PTPRD: variants seen among roughly 807,000 people sequenced by gnomAD.
PTPRD encodes protein tyrosine phosphatase receptor type D, also known as receptor-type tyrosine-protein phosphatase delta.
PTPRD carries 34 observed loss-of-function variants against 214.5 expected under a neutral mutation model. The ratio of observed to expected loss-of-function variants is 0.16; its 90% CI spans 0.12 to 0.21. The LOEUF is 0.21. PTPRD is among the 10% of genes least tolerant of loss of function. PTPRD has a pLI of 1.00. For missense variants in PTPRD, 2,545 were observed against 2,398.7 expected, an observed-to-expected ratio of 1.06 and a Z score of -1.27; for synonymous variants, 1,128 against 845.7, an observed-to-expected ratio of 1.33 and a Z score of -5.79.
chr9:9,021,955 A>G (rs1007625477), intron 10 of PTPRD, among the ~76,000 whole-genome samples: 2 of 151,726 alleles, frequency 1.3e-5, no homozygotes, highest in South Asian at 2.1e-4. Context: ...GGGGAACATC[A>G]CACACTGGGA....
chr9:8,911,397 T>C (rs75062698), intron 11 of PTPRD, among the ~76,000 whole-genome samples: 14,049 of 139,282 alleles, frequency 0.1, 986 homozygotes, highest in East Asian at 0.23. Context: ...CATGTGTGTG[T>C]CTGTGTGTGT....
At chr9:9,910,896 A>T (rs2078997966) in intron 5 of PTPRD, among the ~76,000 whole-genome samples, 1 of 152,062 alleles carries the variant, frequency 6.6e-6, no homozygotes, top group Non-Finnish European at 1.5e-5. Flanking sequence ...AAAACCCAAC[A>T]ATCATTACAT....
intron 5 of PTPRD, among the ~76,000 whole-genome samples, chr9:9,881,920 G>T (rs997832389): frequency 2.0e-5 from 3 of 152,056 alleles, no homozygotes; most frequent in African/African-American, 7.2e-5. Flanking sequence ...AAAGACCATA[G>T]GGGCAGAGTC....
intron 9 of PTPRD, among the ~76,000 whole-genome samples, chr9:9,194,568 G>T (rs2099937143): frequency 6.6e-6 from 1 of 152,088 alleles, no homozygotes; most frequent in South Asian, 2.1e-4. Context: ...CATGTACTTG[G>T]TCTGTTGTTG....
At chr9:9,599,751 A>G (rs1232771542) in intron 7 of PTPRD, among the ~76,000 whole-genome samples, 1 of 152,018 alleles carries the variant, frequency 6.6e-6, no homozygotes, top group Non-Finnish European at 1.5e-5. Flanking sequence ...ACACTGGCAC[A>G]TCTCTATTAG....
chr9:10,509,858 A>C (rs377611412), intron 2 of PTPRD, among the ~76,000 whole-genome samples: 1 of 151,848 alleles, frequency 6.6e-6, no homozygotes, highest in East Asian at 1.9e-4. Context: ...ATACAGGTAT[A>C]TATTTATTCC....
chr9:9,834,470 A>C (rs550804155), intron 5 of PTPRD, among the ~76,000 whole-genome samples: 1 of 152,110 alleles, frequency 6.6e-6, no homozygotes, highest in South Asian at 2.1e-4. Context: ...TTTTGCCCCC[A>C]AATTTGCCTC....
intron 3 of PTPRD, among the ~76,000 whole-genome samples, chr9:10,056,844 T>G (rs57227648): frequency 6.6e-6 from 1 of 152,302 alleles, no homozygotes; most frequent in Admixed American, 6.5e-5. Flanking sequence ...GAGTATTATT[T>G]ATTGCACAGA....
chr9:8,951,320 CTTTTTTT>C (rs35028756), intron 11 of PTPRD, among the ~76,000 whole-genome samples: 1 of 128,402 alleles, frequency 7.8e-6, no homozygotes, highest in Non-Finnish European at 1.6e-5. Flanking sequence ...CTGGATCCTC[CTTTTTTT>C]TTTTTTTTTT....
chr9:9,067,898 A>T (rs2099737434), intron 10 of PTPRD, among the ~76,000 whole-genome samples: 1 of 152,138 alleles, frequency 6.6e-6, no homozygotes, highest in Non-Finnish European at 1.5e-5. Context: ...TTGTGTATTT[A>T]AACTAGAATG....
intron 8 of PTPRD, among the ~76,000 whole-genome samples, chr9:9,445,114 T>A (rs1211769345): frequency 6.6e-6 from 1 of 152,142 alleles, no homozygotes; most frequent in Non-Finnish European, 1.5e-5. Context: ...ATTTCACAAG[T>A]TTAGTTGATG....
intron 10 of PTPRD, among the ~76,000 whole-genome samples, chr9:9,109,599 G>A (rs1657398558): frequency 6.6e-6 from 1 of 152,082 alleles, no homozygotes; most frequent in Non-Finnish European, 1.5e-5. Context: ...ACTGCAGAGA[G>A]TAGGAGAAGA....
chr9:10,024,143 A>G (rs929531776), intron 4 of PTPRD, among the ~76,000 whole-genome samples: 2 of 152,150 alleles, frequency 1.3e-5, no homozygotes, highest in African/African-American at 4.8e-5. Context: ...AATGTGGGAT[A>G]ACAAATGTTT....
chr9:9,720,238 T>C (rs948257608), intron 7 of PTPRD, among the ~76,000 whole-genome samples: 14 of 152,160 alleles, frequency 9.2e-5, no homozygotes, highest in African/African-American at 3.1e-4. Flanking sequence ...ATCTTCATAA[T>C]TGGAAATAAT....
chr9:9,977,170 C>A (rs1193379299), intron 4 of PTPRD, among the ~76,000 whole-genome samples: 1 of 152,140 alleles, frequency 6.6e-6, no homozygotes, highest in African/African-American at 2.4e-5. Context: ...GATGTCAGCT[C>A]AGGACCTTGA....
At chr9:9,402,526 T>C (rs549547190) in intron 8 of PTPRD, among the ~76,000 whole-genome samples, 1 of 152,200 alleles carries the variant, frequency 6.6e-6, no homozygotes, top group South Asian at 2.1e-4. Flanking sequence ...ACTTAGGATT[T>C]ATAAATATAA....
At chr9:8,758,525 T>C (rs1281349123) in intron 11 of PTPRD, among the ~76,000 whole-genome samples, 1 of 152,100 alleles carries the variant, frequency 6.6e-6, no homozygotes, top group East Asian at 1.9e-4. Context: ...TAAAACAGCC[T>C]AGAGAAATGC....
chr9:10,523,775 A>T (rs1452493493), intron 2 of PTPRD, among the ~76,000 whole-genome samples: 1 of 151,410 alleles, frequency 6.6e-6, no homozygotes, highest in Non-Finnish European at 1.5e-5. Context: ...TGATGTGTCC[A>T]TTGATAGAAG....
At chr9:8,847,215 T>C (rs887707595) in intron 11 of PTPRD, among the ~76,000 whole-genome samples, 3 of 152,168 alleles carry the variant, frequency 2.0e-5, no homozygotes, top group Non-Finnish European at 4.4e-5. Flanking sequence ...AGGTCGAGTC[T>C]GTTAAATAGT....
Sources: allele counts gnomAD v4.1 joint callset (sites outside exome capture counted in the v4.1 genomes callset), GRCh38; gene constraint gnomAD v4.1.1; transcripts MANE v1.5; gene names NCBI Gene and HGNC (gene_info 2026-07-23, HGNC 2026-07-21).